The following AGBL1 variants were observed in gnomAD, a reference collection of about 807,000 sequenced individuals.
AGBL1 encodes the protein AGBL carboxypeptidase 1, also known as cytosolic carboxypeptidase 4.
Under a neutral mutation model 118.9 loss-of-function variants are expected in AGBL1, and 130 were observed. The observed-to-expected ratio is 1.09, with a 90% CI of 0.95 to 1.26. AGBL1 has a LOEUF of 1.26. AGBL1 is among the 50% of genes most tolerant of loss of function. AGBL1 has a pLI of 0.00. For synonymous variants in AGBL1, 555 were observed against 478.9 expected, an observed-to-expected ratio of 1.16 and a Z score of -2.08; for missense variants, 1,584 against 1,298.1, an observed-to-expected ratio of 1.22 and a Z score of -3.38.
At chr15:86,602,226 T>C (rs1477926952) in intron 21 of AGBL1, among the ~76,000 whole-genome samples, 1 of 152,212 alleles carries the variant, frequency 6.6e-6, no homozygotes, top group African/African-American at 2.4e-5. Context: ...TCTTAATTCA[T>C]CACATGTTGT....
intron 14 of AGBL1, among the ~76,000 whole-genome samples, chr15:86,270,971 A>T (rs1173664777): frequency 1.3e-5 from 2 of 149,138 alleles, no homozygotes; most frequent in Admixed American, 6.7e-5. Flanking sequence ...TCCTTGGCTG[A>T]TGGCCCCTTC....
chr15:86,872,407 C>A (rs1467198311), intron 22 of AGBL1, among the ~76,000 whole-genome samples: 1 of 152,186 alleles, frequency 6.6e-6, no homozygotes, highest in African/African-American at 2.4e-5. Flanking sequence ...TTGAATTCTG[C>A]CGCTAATGGT....
At chr15:86,102,283 C>T (rs560201037) in intron 1 of AGBL1, among the ~76,000 whole-genome samples, 4 of 152,210 alleles carry the variant, frequency 2.6e-5, no homozygotes, top group African/African-American at 7.2e-5. Context: ...TCAAGTGACC[C>T]GCTCACCTCG....
chr15:86,208,658 T>C (rs1476737974), intron 5 of AGBL1, among the ~76,000 whole-genome samples: 1 of 152,186 alleles, frequency 6.6e-6, no homozygotes, highest in Non-Finnish European at 1.5e-5. Flanking sequence ...GTGGGATTGG[T>C]GGTGATATCC....
At chr15:86,428,306 C>T (rs577268252) in intron 18 of AGBL1, among the ~76,000 whole-genome samples, 1 of 152,290 alleles carries the variant, frequency 6.6e-6, no homozygotes, top group African/African-American at 2.4e-5. Flanking sequence ...GTGCCACCTG[C>T]AATACCTGGG....
At chr15:86,857,583 C>G (rs966612733) in intron 22 of AGBL1, among the ~76,000 whole-genome samples, 5 of 152,202 alleles carry the variant, frequency 3.3e-5, no homozygotes, top group Non-Finnish European at 7.3e-5. Context: ...AAAGTGACCT[C>G]TTTATGGAGG....
chr15:86,323,272 T>C (rs778375153), intron 17 of AGBL1, among the ~76,000 whole-genome samples: 3 of 152,076 alleles, frequency 2.0e-5, no homozygotes, highest in Non-Finnish European at 4.4e-5. Context: ...TTAATGAATA[T>C]TTTTCATATC....
chr15:86,843,223 A>C (rs2079270019), intron 22 of AGBL1, among the ~76,000 whole-genome samples: 1 of 152,228 alleles, frequency 6.6e-6, no homozygotes, highest in South Asian at 2.1e-4. Flanking sequence ...AAGGATGAGC[A>C]CATTGGATCA....
chr15:86,566,121 GCTGCACTCACTGTC>G (rs549008001), intron 21 of AGBL1, among the ~76,000 whole-genome samples: 3,605 of 152,130 alleles, frequency 0.024, 155 homozygotes, highest in African/African-American at 0.082. Context: ...ACCTCGTTGG[GCTGCACTCACTGTC>G]CTGCACCCAC....
At chr15:86,930,844 C>T (rs561424293) in intron 23 of AGBL1, among the ~76,000 whole-genome samples, 15 of 152,144 alleles carry the variant, frequency 9.9e-5, no homozygotes, top group South Asian at 2.1e-4. Context: ...AGCAACTTGG[C>T]AAGCAAAAAG....
chr15:86,232,869 T>A (rs1294339849), intron 6 of AGBL1, among the ~76,000 whole-genome samples: 1 of 152,180 alleles, frequency 6.6e-6, no homozygotes, highest in Admixed American at 6.5e-5. Flanking sequence ...AACCTTTTAC[T>A]GCCAGCCCTC....
chr15:86,247,989 T>A lies in AGBL1; in HGVS notation c.735+110T>A, dbSNP rs2141993422. 2.2e-6 allele frequency: 3 copies of A among 1,363,938 alleles called. No homozygotes were observed. In the African/African-American group the frequency reaches 4.3e-5, roughly 20 times the overall value. The allele number at this position is 1,363,938 out of a possible 1,614,324, so 84.5% of individuals were successfully genotyped here. A position where few individuals can be genotyped will look rare whatever the true frequency, so the allele number is the denominator to read the frequency against. ...AGCTGGGAACGCCTCAGTCTATTTC[T>A]TGTTGCCTGCTAAGGGCGGATGTTC... is the stretch of plus-strand genomic sequence containing the variant. On this transcript the variant is annotated intron_variant, in intron 7 of 22. Coordinates refer to ENST00000614907, the MANE Select transcript of AGBL1 (RefSeq NM_001386094.1).
At chr15:86,468,665 T>C (rs557159780) in intron 18 of AGBL1, among the ~76,000 whole-genome samples, 9 of 152,342 alleles carry the variant, frequency 5.9e-5, no homozygotes, top group African/African-American at 2.2e-4. Context: ...AAGGCTCCTG[T>C]GCTTATTAAA....
chr15:86,841,292 G>C (rs1219725880), intron 22 of AGBL1, among the ~76,000 whole-genome samples: 1 of 152,160 alleles, frequency 6.6e-6, no homozygotes, highest in African/African-American at 2.4e-5. Context: ...GAGGGATTTT[G>C]TTAGCAAAGA....
intron 19 of AGBL1, among the ~76,000 whole-genome samples, chr15:86,528,259 C>A (rs978815347): frequency 6.6e-6 from 1 of 152,168 alleles, no homozygotes; most frequent in South Asian, 2.1e-4. Context: ...ACGCACCGGG[C>A]GCGAACCGAA....
intron 9 of AGBL1, among the ~76,000 whole-genome samples, chr15:86,258,515 G>A (rs189520637): frequency 2.4e-4 from 36 of 152,268 alleles, no homozygotes; most frequent in Admixed American, 2.1e-3. Flanking sequence ...GCAGAGAAGT[G>A]TTGCTCTTTG....
chr15:86,599,112 A>C (rs1441697470), intron 21 of AGBL1, among the ~76,000 whole-genome samples: 1 of 152,166 alleles, frequency 6.6e-6, no homozygotes, highest in African/African-American at 2.4e-5. Flanking sequence ...AATAGTGATT[A>C]GTTTCACACC....
At chr15:86,972,215 C>G (rs1392189780) in intron 23 of AGBL1, among the ~76,000 whole-genome samples, 1 of 152,038 alleles carries the variant, frequency 6.6e-6, no homozygotes, top group Non-Finnish European at 1.5e-5. Flanking sequence ...GATTACCACT[C>G]TGTGAGCCCT....
chr15:86,742,013 C>T (rs1323556840), intron 22 of AGBL1, among the ~76,000 whole-genome samples: 1 of 151,386 alleles, frequency 6.6e-6, no homozygotes, highest in South Asian at 2.1e-4. Flanking sequence ...GGCTTAAAAC[C>T]CATGCCACGC....
Sources: allele counts gnomAD v4.1 joint callset (sites outside exome capture counted in the v4.1 genomes callset), GRCh38; gene constraint gnomAD v4.1.1; transcripts MANE v1.5; gene names NCBI Gene and HGNC (gene_info 2026-07-23, HGNC 2026-07-21).